REDIC1: variants seen among roughly 807,000 people sequenced by gnomAD.
REDIC1 encodes the protein regulator of DNA class I crossover intermediates 1, also known as HEI10 Interacting Protein 1.
At chr12:39,733,504 TTTTG>T in the REDIC1 span, among the ~76,000 whole-genome samples, 4 of 152,186 alleles carry the variant, frequency 2.6e-5, no homozygotes, top group East Asian at 1.9e-4. Context: ...TTTTATTTTA[TTTTG>T]TTTGTTTGTT....
the REDIC1 span, among the ~76,000 whole-genome samples, chr12:39,681,845 T>C: frequency 9.7e-3 from 1,479 of 152,216 alleles, 20 homozygotes; most frequent in African/African-American, 0.033. Flanking sequence ...TAGCAATCTG[T>C]GGTTTTTTTT....
At chr12:39,700,919 A>G in the REDIC1 span, among the ~76,000 whole-genome samples, 22 of 152,182 alleles carry the variant, frequency 1.4e-4, no homozygotes, top group Non-Finnish European at 5.9e-5. Flanking sequence ...CCTGCCCTAA[A>G]GGAGCTCCTG....
the REDIC1 span, among the ~76,000 whole-genome samples, chr12:39,820,962 C>T: frequency 6.6e-6 from 1 of 151,854 alleles, no homozygotes; most frequent in African/African-American, 2.4e-5. Context: ...ACCTTAACAG[C>T]TCTCTACTTC....
the REDIC1 span, among the ~76,000 whole-genome samples, chr12:39,796,503 A>G: frequency 6.6e-6 from 1 of 151,878 alleles, no homozygotes; most frequent in African/African-American, 2.4e-5. Flanking sequence ...CTTAAAAGCA[A>G]GCTGCTTGCC....
the REDIC1 span, among the ~76,000 whole-genome samples, chr12:39,795,102 T>C: frequency 2.0e-5 from 3 of 152,168 alleles, no homozygotes; most frequent in African/African-American, 4.8e-5. Context: ...ATTTAAATAT[T>C]GCCTCTTCCC....
At chr12:39,789,112 A>T in the REDIC1 span, among the ~76,000 whole-genome samples, 4 of 152,130 alleles carry the variant, frequency 2.6e-5, no homozygotes, top group Admixed American at 2.0e-4. Context: ...TATTAACTAT[A>T]TCATTATCAG....
At chr12:39,694,764 T>C in the REDIC1 span, among the ~76,000 whole-genome samples, 2 of 152,004 alleles carry the variant, frequency 1.3e-5, no homozygotes, top group Non-Finnish European at 2.9e-5. Context: ...AGACACCAGC[T>C]GGGGCAGCTA....
chr12:39,850,810 T>C, the REDIC1 span, among the ~76,000 whole-genome samples: 16 of 152,266 alleles, frequency 1.1e-4, no homozygotes, highest in South Asian at 2.9e-3. Flanking sequence ...GGAATTTTTG[T>C]GAAGATATCT....
chr12:39,692,194 T>G, the REDIC1 span: 11 of 1,253,210 alleles, frequency 8.8e-6, no homozygotes, highest in Non-Finnish European at 1.2e-5. Context: ...TGAAGTGATT[T>G]TTTAGATGTT....
the REDIC1 span, among the ~76,000 whole-genome samples, chr12:39,801,638 A>C: frequency 6.6e-6 from 1 of 152,226 alleles, no homozygotes; most frequent in Non-Finnish European, 1.5e-5. Context: ...TAGAATTAGA[A>C]GTCAGCAGAC....
At chr12:39,677,412 T>A in the REDIC1 span, among the ~76,000 whole-genome samples, 1 of 152,074 alleles carries the variant, frequency 6.6e-6, no homozygotes, top group African/African-American at 2.4e-5. Flanking sequence ...TAAATACATA[T>A]GCACCTAACA....
At chr12:39,668,825 G>GT in the REDIC1 span, among the ~76,000 whole-genome samples, 1 of 151,740 alleles carries the variant, frequency 6.6e-6, no homozygotes, top group South Asian at 2.1e-4. Context: ...CACCAACACC[G>GT]TTTTTTCCAG....
chr12:39,829,389 A>ATTATTTTTTT, the REDIC1 span: 2 of 65,776 alleles, frequency 3.0e-5, no homozygotes, highest in African/African-American at 6.7e-5. Context: ...TGTGATAGTA[A>ATTATTTTTTT]TTCTTTTTTT....
chr12:39,813,350 A>G, the REDIC1 span, among the ~76,000 whole-genome samples: 2 of 152,112 alleles, frequency 1.3e-5, no homozygotes, highest in African/African-American at 4.8e-5. Flanking sequence ...TAGAGAGTAT[A>G]GTATAATTAA....
At chr12:39,711,821 A>G in the REDIC1 span, among the ~76,000 whole-genome samples, 3 of 54,180 alleles carry the variant, frequency 5.5e-5, no homozygotes, top group Non-Finnish European at 1.0e-4. Context: ...GTGTGTACAC[A>G]TGCATGTGTA....
the REDIC1 span, among the ~76,000 whole-genome samples, chr12:39,701,350 A>G: frequency 1.3e-5 from 2 of 152,244 alleles, no homozygotes; most frequent in South Asian, 2.1e-4. Context: ...AGGCCATTAC[A>G]TAATGGTAAA....
the REDIC1 span, among the ~76,000 whole-genome samples, chr12:39,731,963 A>C: frequency 6.6e-6 from 1 of 152,134 alleles, no homozygotes; most frequent in East Asian, 1.9e-4. Context: ...CAAGTGAAAA[A>C]ACAGAATTCT....
chr12:39,782,952 T>A, the REDIC1 span, among the ~76,000 whole-genome samples: 3 of 152,152 alleles, frequency 2.0e-5, no homozygotes, highest in Admixed American at 1.3e-4. Context: ...ACATGTGCCA[T>A]GTTGGTGTGC....
At chr12:39,679,796 G>T in the REDIC1 span, among the ~76,000 whole-genome samples, 2 of 152,158 alleles carry the variant, frequency 1.3e-5, no homozygotes, top group Non-Finnish European at 2.9e-5. Flanking sequence ...ATATAGGTAT[G>T]TGGACAGATG....
Sources: allele counts gnomAD v4.1 joint callset (sites outside exome capture counted in the v4.1 genomes callset), GRCh38; gene constraint gnomAD v4.1.1; transcripts MANE v1.5; gene names NCBI Gene and HGNC (gene_info 2026-07-23, HGNC 2026-07-21).